Variants in AGBL4 observed in about 807,000 individuals in gnomAD.
AGBL4 encodes AGBL carboxypeptidase 4, also known as cytosolic carboxypeptidase 6.
Under a neutral mutation model 66.4 loss-of-function variants are expected in AGBL4, and 58 were observed. The observed-to-expected ratio is 0.87, with a 90% CI of 0.71 to 1.09. The LOEUF is 1.09. Ranked by LOEUF, AGBL4 falls within the 50% of genes least tolerant of loss-of-function variation. The pLI, the probability that AGBL4 is intolerant of heterozygous loss-of-function variation, is 0.00. For missense variants in AGBL4, 579 were observed against 631.0 expected (o/e 0.92, Z 0.88); for synonymous variants, 234 against 222.9 (o/e 1.05, Z -0.44).
Position 49,626,740 on chromosome 1 carries a change from G to A in AGBL4, c.282+70573C>T, listed in dbSNP as rs80166574. Among the ~76,000 whole-genome samples the A allele has an allele frequency of 5.2e-3, 774 of 149,930 alleles. 15 individuals carry two copies. The highest frequency in any genetic ancestry group is 0.039 in the East Asian group (199 of 5,082). On this transcript the variant is annotated intron_variant, in intron 3 of 13. Coordinates refer to ENST00000371839, the MANE Select transcript of AGBL4 (RefSeq NM_032785.4). ...AGTAGCTAGGTCAGCTTTGGTAAGT[G>A]GGAGTCTGTGCTGTTGAGAAAATAT...
intron 12 of AGBL4, among the ~76,000 whole-genome samples, chr1:48,536,560 G>A (rs1424524838): frequency 2.0e-5 from 3 of 152,138 alleles, no homozygotes; most frequent in Non-Finnish European, 1.5e-5. Flanking sequence ...AATGGGCAGG[G>A]GCTATTTATA....
At chr1:49,748,373 G>C (rs139994893) in intron 2 of AGBL4, among the ~76,000 whole-genome samples, 4 of 152,148 alleles carry the variant, frequency 2.6e-5, no homozygotes, top group Admixed American at 2.0e-4. Flanking sequence ...AGTATTCCAT[G>C]ATGTATATGT....
In AGBL4 at chr1:49,995,134, G is replaced by C. The variant is rs56701760; in HGVS notation, c.34+28629C>G. On this transcript the variant is annotated intron_variant, in intron 1 of 13. Transcript: ENST00000371839. ...TTTCAAGTAAACTCAAAGTTTCCTG[G>C]ACAGAATCTGGGAAAGGGGTGACCC... 9.2e-4 allele frequency: 420 copies of C among 456,164 alleles called. 2 individuals are homozygous for C. Among genetic ancestry groups the C allele is most frequent in the African/African-American group, 7.4e-3 (373 of 50,164 alleles). 28.3% of individuals were successfully genotyped at this position (456,164 alleles called of 1,614,324 possible). A position where few individuals can be genotyped will look rare whatever the true frequency, so the allele number is the denominator to read the frequency against.
chr1:48,760,714 T>G (rs1644212505), intron 6 of AGBL4, among the ~76,000 whole-genome samples: 1 of 152,172 alleles, frequency 6.6e-6, no homozygotes, highest in African/African-American at 2.4e-5. Flanking sequence ...CCATGGTCAA[T>G]GCAGAAGACA....
At chr1:48,994,687 T>G (rs931566801) in intron 5 of AGBL4, among the ~76,000 whole-genome samples, 2 of 152,222 alleles carry the variant, frequency 1.3e-5, no homozygotes, top group Non-Finnish European at 2.9e-5. Flanking sequence ...TGAGGATATA[T>G]GGCTTACTTA....
At chr1:48,620,988 T>A (rs1415683346) in intron 9 of AGBL4, among the ~76,000 whole-genome samples, 2 of 152,136 alleles carry the variant, frequency 1.3e-5, no homozygotes, top group East Asian at 3.9e-4. Flanking sequence ...TTGCTCCTAA[T>A]CCCTATCAGA....
intron 9 of AGBL4, among the ~76,000 whole-genome samples, chr1:48,593,625 C>T (rs1413648125): frequency 6.6e-6 from 1 of 152,048 alleles, no homozygotes; most frequent in Non-Finnish European, 1.5e-5. Flanking sequence ...GTGGTGGGTG[C>T]CTATAATCCC....
At chr1:48,524,356 A>G in the AGBL4 span, among the ~76,000 whole-genome samples, 1 of 152,234 alleles carries the variant, frequency 6.6e-6, no homozygotes, top group African/African-American at 2.4e-5. Flanking sequence ...AAGCTGAAAT[A>G]CAGAAAAGAC....
At chr1:48,845,246 T>C (rs1646884078) in intron 6 of AGBL4, among the ~76,000 whole-genome samples, 1 of 152,234 alleles carries the variant, frequency 6.6e-6, no homozygotes, top group Admixed American at 6.5e-5. Context: ...CTGTGACAGA[T>C]ACCTGCCTCA....
rs116318154 is a variant in AGBL4 at position 49,840,549 on chromosome 1, T to A, written c.157+10847A>T. ...CCACTCTCAGCCTAGTACCAAAAACTGGCACAGACATGACAAAGAAAGGAA... is the reference window on the plus strand; with the variant it reads ...CCACTCTCAGCCTAGTACCAAAAACAGGCACAGACATGACAAAGAAAGGAA... On this transcript the variant is annotated intron_variant, in intron 2 of 13. Coordinates refer to ENST00000371839, the MANE Select transcript of AGBL4 (RefSeq NM_032785.4). 3.4e-3 allele frequency among the ~76,000 whole-genome samples: 518 copies of A among 152,194 alleles called. 3 individuals carry two copies. The highest frequency in any genetic ancestry group is 0.011 in the African/African-American group (461 of 41,546).
intron 5 of AGBL4, among the ~76,000 whole-genome samples, chr1:48,988,004 G>C (rs1571168242): frequency 6.6e-6 from 1 of 151,914 alleles, no homozygotes; most frequent in African/African-American, 2.4e-5. Flanking sequence ...ATGCACTCAA[G>C]AAAGCTGTGT....
intron 6 of AGBL4, among the ~76,000 whole-genome samples, chr1:48,686,183 T>C (rs561276391): frequency 2.6e-4 from 40 of 152,292 alleles, no homozygotes; most frequent in African/African-American, 8.9e-4. Context: ...TATCTTAGCT[T>C]AGTTATTACC....
chr1:50,007,454 T>C (rs1661220759), intron 1 of AGBL4, among the ~76,000 whole-genome samples: 1 of 152,104 alleles, frequency 6.6e-6, no homozygotes, highest in South Asian at 2.1e-4. Context: ...GACCTAAGAA[T>C]CTGTTGTGTA....
intron 5 of AGBL4, among the ~76,000 whole-genome samples, chr1:49,027,969 G>A (rs867319608): frequency 1.2e-4 from 18 of 152,160 alleles, no homozygotes; most frequent in African/African-American, 4.1e-4. Context: ...CAGTTCTAGG[G>A]CAGTGGCATA....
chr1:49,035,833 C>T (rs1571286930), intron 5 of AGBL4, among the ~76,000 whole-genome samples: 1 of 152,090 alleles, frequency 6.6e-6, no homozygotes, highest in East Asian at 1.9e-4. Flanking sequence ...TCTATATTAT[C>T]TCTCCAACTT....
At position 49,490,931 on chromosome 1, in the gene AGBL4, T is replaced by C. The variant is rs186436861; in HGVS notation, c.282+206382A>G. Among the ~76,000 whole-genome samples the C allele has an allele frequency of 4.6e-5, 7 of 151,896 alleles. No homozygotes were observed. In the East Asian group the frequency reaches 1.2e-3, roughly 25 times the overall value. ...TACCTGTGTAATTTTGGATCAATTA[T>C]ATCACCTCTCTGTACTCCCCTTTCC... On this transcript the variant is annotated intron_variant, in intron 3 of 13. Transcript: ENST00000371839.
At chr1:49,355,619 C>G (rs1208158952) in intron 3 of AGBL4, among the ~76,000 whole-genome samples, 1 of 152,298 alleles carries the variant, frequency 6.6e-6, no homozygotes, top group South Asian at 2.1e-4. Flanking sequence ...CTTAGTAGAG[C>G]CTACAAGGCT....
chr1:49,424,011 C>A, intron 3 of AGBL4, among the ~76,000 whole-genome samples: 1 of 152,126 alleles, frequency 6.6e-6, no homozygotes, highest in Non-Finnish European at 1.5e-5. Context: ...CTGCTTCCTT[C>A]TCTGGCCTGC....
At chr1:49,294,132 T>C (rs1055972706) in intron 3 of AGBL4, among the ~76,000 whole-genome samples, 1 of 152,230 alleles carries the variant, frequency 6.6e-6, no homozygotes, top group Non-Finnish European at 1.5e-5. Context: ...GTCACTTAGT[T>C]GCATGTTTTT....
Sources: gnomAD v4.1 joint callset for allele counts (sites outside exome capture counted in the v4.1 genomes callset) on GRCh38, gnomAD v4.1.1 for gene constraint, MANE v1.5 for transcripts, NCBI Gene and HGNC (gene_info 2026-07-23, HGNC 2026-07-21) for gene names.